The following COL21A1 variants were observed in gnomAD, a reference collection of about 807,000 sequenced individuals.
The protein encoded by COL21A1 is collagen alpha-1(XXI) chain.
COL21A1 carries 149 observed loss-of-function variants against 137.9 expected under a neutral mutation model. The observed-to-expected ratio is 1.08, with a 90% confidence interval of 0.95 to 1.24. The LOEUF is 1.24. Ranked by LOEUF, COL21A1 falls within the 50% of genes most tolerant of loss-of-function variation. The pLI, the probability that COL21A1 is intolerant of heterozygous loss-of-function variation, is 0.00. For synonymous variants in COL21A1, 456 were observed against 391.5 expected (o/e 1.16, Z -1.95); for missense variants, 1,167 against 1,158.4 (o/e 1.01, Z -0.11).
At chr6:56,244,942 G>T (rs2152326929) in intron 1 of COL21A1, among the ~76,000 whole-genome samples, 1 of 152,262 alleles carries the variant, frequency 6.6e-6, no homozygotes, top group East Asian at 1.9e-4. Context: ...GTATGCATGT[G>T]TGTGTGACTT....
intron 1 of COL21A1, among the ~76,000 whole-genome samples, chr6:56,284,008 A>C (rs1763846486): frequency 6.6e-6 from 1 of 152,118 alleles, no homozygotes; most frequent in African/African-American, 2.4e-5. Flanking sequence ...AATAGATACT[A>C]AAACTGTAAT....
intron 17 of COL21A1, among the ~76,000 whole-genome samples, chr6:56,099,336 C>G (rs1770220350): frequency 6.6e-6 from 1 of 150,562 alleles, no homozygotes; most frequent in African/African-American, 2.4e-5. Flanking sequence ...CGGTTTCACA[C>G]CATTCTCCGG....
At chr6:56,297,857 T>A (rs1452671902) in intron 1 of COL21A1, among the ~76,000 whole-genome samples, 2 of 152,002 alleles carry the variant, frequency 1.3e-5, no homozygotes, top group African/African-American at 4.8e-5. Context: ...ACAGTTAGGG[T>A]TTAAAAGCTG....
At chr6:56,372,933 T>A (rs1425273734) in intron 1 of COL21A1, among the ~76,000 whole-genome samples, 2 of 152,220 alleles carry the variant, frequency 1.3e-5, no homozygotes, top group Non-Finnish European at 2.9e-5. Context: ...ATGTCAGATG[T>A]TTGATTTCCC....
In COL21A1 at chr6:56,296,056, T is replaced by C. The variant is rs1202624021; in HGVS notation, c.-39+97915A>G. On this transcript the variant is annotated intron_variant, in intron 1 of 28. Transcript: ENST00000370819. ...TAGTTTCTCATCATTAAGTATGATG[T>C]TAGCTATAAGTTTTTTACAGATGTT... is the stretch of plus-strand genomic sequence containing the variant. Among the ~76,000 whole-genome samples the C allele has an allele frequency of 3.7e-4, 56 of 151,932 alleles. 1 individual carries two copies. Among genetic ancestry groups the C allele is most frequent in the Admixed American group, 3.7e-3 (56 of 15,220 alleles).
chr6:56,195,219 C>T (rs4715590), intron 1 of COL21A1, among the ~76,000 whole-genome samples: 1 of 151,566 alleles, frequency 6.6e-6, no homozygotes, highest in Admixed American at 6.6e-5. Flanking sequence ...TTACAAGCAA[C>T]AGAAAACGTA....
At position 56,059,906 on chromosome 6, in the gene COL21A1, C is replaced by T. The variant is rs536721801; in HGVS notation, c.2608+112G>A. 4.3e-5 allele frequency: 29 copies of T among 679,244 alleles called. No individual in the cohort carries two copies. The South Asian group carries it at 5.9e-4, about 14-fold the overall frequency. The allele number at this position is 679,244 out of a possible 1,614,324, so 42.1% of individuals were successfully genotyped here. On this transcript the variant is annotated intron_variant, in intron 28 of 29. Transcript: ENST00000244728. The stretch of plus-strand genomic sequence containing the variant: ...CAAATTATTTAAAGACGAGCATTTA[C>T]AGATTTTTTTATCATGAAAAAAGTT...
chr6:56,348,149 C>T (rs1765634761), intron 1 of COL21A1, among the ~76,000 whole-genome samples: 1 of 152,094 alleles, frequency 6.6e-6, no homozygotes, highest in African/African-American at 2.4e-5. Context: ...TGAGTACTTA[C>T]ATGGGGCCAT....
intron 1 of COL21A1, among the ~76,000 whole-genome samples, chr6:56,300,335 A>G (rs1215788524): frequency 6.6e-6 from 1 of 152,114 alleles, no homozygotes; most frequent in Non-Finnish European, 1.5e-5. Context: ...TGCTTGTTCA[A>G]GCTGAGTAAC....
chr6:56,114,664 C>T (rs1460370523), intron 16 of COL21A1, among the ~76,000 whole-genome samples: 5 of 150,832 alleles, frequency 3.3e-5, no homozygotes, highest in Admixed American at 6.6e-5. Flanking sequence ...ATTAAAAAGT[C>T]AGGAAACAAC....
At chr6:56,181,067 C>T (rs1381344603) in intron 2 of COL21A1, among the ~76,000 whole-genome samples, 1 of 152,220 alleles carries the variant, frequency 6.6e-6, no homozygotes, top group Non-Finnish European at 1.5e-5. Flanking sequence ...TTGCCATCCC[C>T]TCCTAAATTT....
chr6:56,213,120 G>A (rs961202119), intron 1 of COL21A1, among the ~76,000 whole-genome samples: 2 of 151,956 alleles, frequency 1.3e-5, no homozygotes, highest in Non-Finnish European at 1.5e-5. Flanking sequence ...CAATTTGCAC[G>A]TATTCCTTTG....
intron 12 of COL21A1, among the ~76,000 whole-genome samples, chr6:56,135,794 A>C (rs912803889): frequency 2.0e-5 from 3 of 152,218 alleles, no homozygotes; most frequent in Non-Finnish European, 4.4e-5. Flanking sequence ...ATTTTCTTTC[A>C]TGAAGCCTTT....
intron 17 of COL21A1, chr6:56,091,796 CAA>C (rs1768844827): frequency 6.6e-6 from 1 of 152,084 alleles, no homozygotes. Flanking sequence ...AAGAATTGAC[CAA>C]AGAAGACTAA....
At chr6:56,113,631 T>A (rs1771641687) in intron 16 of COL21A1, among the ~76,000 whole-genome samples, 1 of 152,136 alleles carries the variant, frequency 6.6e-6, no homozygotes, top group African/African-American at 2.4e-5. Context: ...AGACTCAGCC[T>A]TAAGCTGTGG....
At chr6:56,148,338 C>CAGACAGAG (rs1554145108) in intron 10 of COL21A1, among the ~76,000 whole-genome samples, 10 of 133,280 alleles carry the variant, frequency 7.5e-5, no homozygotes, top group Admixed American at 6.0e-4. Context: ...AGACAAGAGA[C>CAGACAGAG]AGAGAGAGAG....
intron 1 of COL21A1, among the ~76,000 whole-genome samples, chr6:56,200,224 T>C (rs922210377): frequency 1.3e-5 from 2 of 152,164 alleles, no homozygotes; most frequent in Admixed American, 6.5e-5. Context: ...TTCACAAGCA[T>C]TATGTTCAGT....
chr6:56,278,996 T>C (rs1763733788), intron 1 of COL21A1, among the ~76,000 whole-genome samples: 1 of 152,226 alleles, frequency 6.6e-6, no homozygotes, highest in Non-Finnish European at 1.5e-5. Context: ...TTTGGATCTG[T>C]GTCCCCACCC....
intron 3 of COL21A1, among the ~76,000 whole-genome samples, chr6:56,173,302 T>G (rs1464713425): frequency 6.6e-6 from 1 of 151,526 alleles, no homozygotes; most frequent in Non-Finnish European, 1.5e-5. Context: ...TGACTGAGTC[T>G]GGGAGGTTGA....
Sources: gnomAD v4.1 joint callset for allele counts (sites outside exome capture counted in the v4.1 genomes callset) on GRCh38, gnomAD v4.1.1 for gene constraint, MANE v1.5 for transcripts, NCBI Gene and HGNC (gene_info 2026-07-23, HGNC 2026-07-21) for gene names.